The following ERI1 variants were observed in gnomAD, a reference collection of about 807,000 sequenced individuals.
ERI1 encodes 3'-5' exoribonuclease 1.
A neutral mutation model predicts 39.7 loss-of-function variants in ERI1; 39 were observed. The ratio of observed to expected loss-of-function variants is 0.98; its 90% CI spans 0.76 to 1.28. The LOEUF is 1.28. ERI1 is among the 50% of genes most tolerant of loss of function. The probability of loss-of-function intolerance (pLI) is 0.00; values close to 1 mark genes in which losing one functional copy is unlikely to be tolerated. For missense variants in ERI1, 581 were observed against 416.9 expected (o/e 1.39, Z -3.43); for synonymous variants, 204 against 149.6 (o/e 1.36, Z -2.65).
intron 4 of ERI1, among the ~76,000 whole-genome samples, chr8:9,017,976 G>C (rs534223419): frequency 6.6e-6 from 1 of 152,170 alleles, no homozygotes; most frequent in Non-Finnish European, 1.5e-5. Flanking sequence ...GCTTAGAAGA[G>C]ATTTCTCTTT....
At chr8:9,026,522 G>A (rs1000942499) in intron 6 of ERI1, among the ~76,000 whole-genome samples, 6 of 152,000 alleles carry the variant, frequency 3.9e-5, no homozygotes, top group African/African-American at 1.5e-4. Flanking sequence ...TGAGCATAAT[G>A]TCTTTAAAGT....
At chr8:9,072,740 C>A (rs1585284212) in intron 3 of ERI1, among the ~76,000 whole-genome samples, 1 of 152,150 alleles carries the variant, frequency 6.6e-6, no homozygotes, top group East Asian at 1.9e-4. Flanking sequence ...TTGACATGTG[C>A]TCTGCCACAG....
chr8:9,082,383 G>T (rs1212427888), intron 3 of ERI1, among the ~76,000 whole-genome samples: 3 of 152,200 alleles, frequency 2.0e-5, no homozygotes, highest in Non-Finnish European at 4.4e-5. Context: ...GGAAAAGACA[G>T]AAGGGCTTCT....
intron 3 of ERI1, among the ~76,000 whole-genome samples, chr8:9,087,097 T>C (rs112233250): frequency 6.6e-6 from 1 of 152,254 alleles, no homozygotes; most frequent in South Asian, 2.1e-4. Context: ...GTTTGTTACA[T>C]AGGTTCATGT....
intron 3 of ERI1, among the ~76,000 whole-genome samples, chr8:9,067,392 G>A (rs1020775563): frequency 4.4e-4 from 64 of 145,348 alleles, no homozygotes; most frequent in African/African-American, 1.6e-3. Context: ...ATGTGTGTGT[G>A]TGTGTGTGTG....
At chr8:9,068,962 T>A (rs1798968859) in intron 3 of ERI1, among the ~76,000 whole-genome samples, 1 of 152,056 alleles carries the variant, frequency 6.6e-6, no homozygotes, top group Non-Finnish European at 1.5e-5. Flanking sequence ...GGACTACAGG[T>A]GTGCACCACC....
At chr8:9,060,890 A>T (rs1798671753) in intron 3 of ERI1, among the ~76,000 whole-genome samples, 1 of 152,200 alleles carries the variant, frequency 6.6e-6, no homozygotes, top group Admixed American at 6.5e-5. Context: ...AAGCGGCCTT[A>T]AGCAGAGTTT....
intron 6 of ERI1, among the ~76,000 whole-genome samples, chr8:9,023,656 CTTATGT>C (rs993378309): frequency 3.3e-5 from 5 of 151,504 alleles, no homozygotes; most frequent in African/African-American, 1.2e-4. Context: ...GTAGAAGAAA[CTTATGT>C]TTTCCTTCTT....
intron 3 of ERI1, among the ~76,000 whole-genome samples, chr8:9,087,749 G>A (rs1281883115): frequency 1.3e-5 from 2 of 152,142 alleles, no homozygotes; most frequent in African/African-American, 4.8e-5. Context: ...ATGCAGCTGG[G>A]TGGGAGCATC....
chr8:9,067,373 C>A (rs1173029025), intron 3 of ERI1, among the ~76,000 whole-genome samples: 1 of 118,808 alleles, frequency 8.4e-6, no homozygotes, highest in Non-Finnish European at 1.7e-5. Context: ...TCATTTTTAA[C>A]CTGTGTGCAT....
At chr8:9,039,527 T>G (rs1259914462) in intron 3 of ERI1, among the ~76,000 whole-genome samples, 2 of 152,184 alleles carry the variant, frequency 1.3e-5, no homozygotes, top group Non-Finnish European at 2.9e-5. Context: ...ATTTAAAATT[T>G]CCCTTATTTA....
At chr8:9,035,472 G>C (rs1270514858), downstream of ERI1, among the ~76,000 whole-genome samples, 5 of 152,112 alleles carry the variant, frequency 3.3e-5, no homozygotes, top group African/African-American at 1.2e-4. Context: ...GCTCTATAAA[G>C]GGAACGGCAA....
At position 9,020,400 on chromosome 8, in the gene ERI1, T is replaced by C; in HGVS notation, c.743T>C (p.Leu248Pro). ...FLNIQCQLSR[L>P]KYPPFAKKWI... ...AACATTCAGTGTCAACTCAGCAGGC[T>C]CAAATACCCTCCTTTTGCGAAAAAG... is the stretch of plus-strand genomic sequence containing the variant. The change falls in exon 6 of 7, where the codon CTC (leucine) becomes CCC (proline). Residue 248 changes from leucine to proline, a missense_variant. Leu to Pro is a moderately conservative substitution (Grantham distance 98). Coordinates refer to ENST00000250263, the MANE Select transcript of ERI1 (RefSeq NM_153332.4). 1.2e-6 allele frequency: 2 copies of C among 1,608,584 alleles called. No homozygotes were observed. The highest frequency in any genetic ancestry group is 8.5e-7 in the Non-Finnish European group (1 of 1,177,856).
rs574970603 is a variant in ERI1, at chr8:9,030,807, C to G, written c.*773C>G. On this transcript the variant is annotated 3_prime_UTR_variant, in exon 7 of 7. Coordinates refer to ENST00000250263, the MANE Select transcript of ERI1 (RefSeq NM_153332.4). Reference sequence around the variant, plus strand: ...TGCCTTAATTCTTAAATCTGAGGGACCATGCTTTGAAATAGACTGAAAATT... The same window carrying G: ...TGCCTTAATTCTTAAATCTGAGGGAGCATGCTTTGAAATAGACTGAAAATT... 1 of 152,138 alleles carries G rather than the reference C, an allele frequency of 6.6e-6. No homozygotes were observed. Among genetic ancestry groups the G allele is most frequent in the East Asian group, 1.9e-4 (1 of 5,184 alleles). 9.4% of individuals were successfully genotyped at this position (152,138 alleles called of 1,614,324 possible). A position where few individuals can be genotyped will look rare whatever the true frequency, so the allele number is the denominator to read the frequency against.
At chr8:9,073,880 C>G (rs1038689870) in intron 3 of ERI1, among the ~76,000 whole-genome samples, 7 of 152,194 alleles carry the variant, frequency 4.6e-5, no homozygotes, top group African/African-American at 1.7e-4. Context: ...AAGTCAAACC[C>G]TATAAAATAC....
intron 3 of ERI1, among the ~76,000 whole-genome samples, chr8:9,067,417 T>C (rs1035674873): frequency 8.0e-5 from 11 of 137,072 alleles, no homozygotes; most frequent in African/African-American, 3.0e-4. Context: ...TGTGTGTGTG[T>C]GTGCAATATC....
At chr8:9,041,084 TCTG>T (rs1798003897) in intron 3 of ERI1, among the ~76,000 whole-genome samples, 1 of 152,238 alleles carries the variant, frequency 6.6e-6, no homozygotes, top group Non-Finnish European at 1.5e-5. Context: ...ACGCTGCACT[TCTG>T]CTCGCCTGCC....
At chr8:9,051,666 A>AG (rs1440462524) in intron 3 of ERI1, among the ~76,000 whole-genome samples, 1 of 151,900 alleles carries the variant, frequency 6.6e-6, no homozygotes, top group Non-Finnish European at 1.5e-5. Flanking sequence ...TCAAAAAAAA[A>AG]AAAAGAAGCA....
chr8:9,016,410 T>A lies in ERI1; in HGVS notation c.582+5T>A. 6.4e-7 allele frequency: 1 copy of A among 1,563,504 alleles called. No individual in the cohort carries two copies. The highest frequency in any genetic ancestry group is 8.7e-7 in the Non-Finnish European group (1 of 1,145,900). ...AGTCTAACTGGAATTACTCAGGTTA[T>A]AATTCTAAGTTCTTCTTTCTAGAGT... On this transcript the variant is annotated splice_donor_5th_base_variant and intron_variant, in intron 4 of 6. Coordinates refer to ENST00000250263, the MANE Select transcript of ERI1 (RefSeq NM_153332.4).
Sources: gnomAD v4.1 joint callset for allele counts (sites outside exome capture counted in the v4.1 genomes callset) on GRCh38, gnomAD v4.1.1 for gene constraint, MANE v1.5 for transcripts, NCBI Gene and HGNC (gene_info 2026-07-23, HGNC 2026-07-21) for gene names.